CNTN5: variants seen among roughly 807,000 people sequenced by gnomAD.
CNTN5 encodes the protein contactin 5.
A neutral mutation model predicts 129.1 loss-of-function variants in CNTN5; 77 were observed. That is an observed-to-expected ratio of 0.60 (90% CI 0.50 to 0.72). The LOEUF is 0.72. Among genes scored for constraint, CNTN5 ranks in the 30% least tolerant of loss-of-function variants. CNTN5 has a pLI of 0.00. For missense variants in CNTN5, 1,478 were observed against 1,328.8 expected, an observed-to-expected ratio of 1.11 and a Z score of -1.75; for synonymous variants, 509 against 465.6, an observed-to-expected ratio of 1.09 and a Z score of -1.20.
chr11:100,311,993 A>G (rs531328155), intron 21 of CNTN5, among the ~76,000 whole-genome samples: 2 of 152,230 alleles, frequency 1.3e-5, no homozygotes, highest in East Asian at 3.9e-4. Flanking sequence ...TAATCATCAC[A>G]ATGACATTTT....
intron 6 of CNTN5, among the ~76,000 whole-genome samples, chr11:99,859,120 C>G (rs997098400): frequency 1.1e-4 from 16 of 152,072 alleles, no homozygotes; most frequent in African/African-American, 3.9e-4. Flanking sequence ...ATAAAATCTC[C>G]TAATGTTTGT....
intron 6 of CNTN5, among the ~76,000 whole-genome samples, chr11:99,905,953 G>A (rs1949492875): frequency 6.6e-6 from 1 of 152,074 alleles, no homozygotes; most frequent in South Asian, 2.1e-4. Context: ...TCTGTTATTG[G>A]TGTATAGGAA....
chr11:100,008,817 G>A lies in CNTN5; in HGVS notation c.980+6681G>A, dbSNP rs184758714. Reference sequence around the variant, plus strand: ...CCTTGACATGATCTAATGAATCTTCGATAAGCCAAATTAGGAAATTTCTTT... The same window carrying A: ...CCTTGACATGATCTAATGAATCTTCAATAAGCCAAATTAGGAAATTTCTTT... On this transcript the variant is annotated intron_variant, in intron 9 of 24. Coordinates refer to ENST00000524871, the MANE Select transcript of CNTN5 (RefSeq NM_014361.4). Among the ~76,000 whole-genome samples, 724 of 151,948 alleles carry A rather than the reference G, an allele frequency of 4.8e-3. 5 individuals carry two copies. Among genetic ancestry groups the A allele is most frequent in the African/African-American group, 0.016 (667 of 41,468 alleles).
intron 2 of CNTN5, among the ~76,000 whole-genome samples, chr11:99,393,452 A>G (rs915059207): frequency 8.6e-5 from 13 of 151,772 alleles, no homozygotes; most frequent in African/African-American, 2.2e-4. Flanking sequence ...TCACAACTGT[A>G]TATGGTAGGT....
chr11:100,085,111 A>C (rs999463824), intron 13 of CNTN5, among the ~76,000 whole-genome samples: 2 of 152,024 alleles, frequency 1.3e-5, no homozygotes, highest in African/African-American at 4.8e-5. Flanking sequence ...GAGAATGAAT[A>C]GGCCCAAAGA....
At chr11:99,770,683 A>T (rs1218651241) in intron 3 of CNTN5, among the ~76,000 whole-genome samples, 3 of 152,032 alleles carry the variant, frequency 2.0e-5, no homozygotes, top group Non-Finnish European at 4.4e-5. Flanking sequence ...ATTTTTCTCT[A>T]AATATTTTAT....
intron 13 of CNTN5, among the ~76,000 whole-genome samples, chr11:100,149,935 G>A (rs769201794): frequency 6.6e-6 from 1 of 151,160 alleles, no homozygotes; most frequent in Non-Finnish European, 1.5e-5. Context: ...AAAATCTCAT[G>A]GGGTAGAGCT....
At chr11:99,592,425 A>G (rs1223155422) in intron 3 of CNTN5, among the ~76,000 whole-genome samples, 1 of 152,216 alleles carries the variant, frequency 6.6e-6, no homozygotes, top group African/African-American at 2.4e-5. Context: ...AGTTAAAGAA[A>G]TGATCTAAAC....
Position 99,476,157 on chromosome 11 carries a change from A to G in CNTN5, c.-70-79988A>G, listed in dbSNP as rs141440306. Among the ~76,000 whole-genome samples, 1,414 of 152,028 alleles carry G rather than the reference A, an allele frequency of 9.3e-3. 15 individuals carry two copies. The highest frequency in any genetic ancestry group is 0.032 in the African/African-American group (1,317 of 41,522). On this transcript the variant is annotated intron_variant, in intron 2 of 24. Coordinates refer to ENST00000524871, the MANE Select transcript of CNTN5 (RefSeq NM_014361.4). ...GCACAATTCCCCAAATTTATTTTAT[A>G]TTTATTTTTCTTTGATTTATTTTTA...
intron 13 of CNTN5, among the ~76,000 whole-genome samples, chr11:100,172,179 T>C (rs1591352823): frequency 6.6e-6 from 1 of 151,998 alleles, no homozygotes; most frequent in South Asian, 2.1e-4. Flanking sequence ...TTAAAACTAA[T>C]AGTAGTTACT....
rs527905566 is a variant in CNTN5 at position 100,289,654 on chromosome 11, T to C, written c.2315-7971T>C. 6.6e-3 allele frequency among the ~76,000 whole-genome samples: 1,008 copies of C among 151,872 alleles called. 15 individuals carry two copies. The highest frequency in any genetic ancestry group is 0.023 in the African/African-American group (942 of 41,390). ...TATGACAAACCCACAGCCAATATCA[T>C]ACCGAATGGGCAAAAACTGGAAGCA... On this transcript the variant is annotated intron_variant, in intron 18 of 24. Transcript: ENST00000524871.
intron 13 of CNTN5, among the ~76,000 whole-genome samples, chr11:100,074,630 C>A (rs952068964): frequency 1.3e-5 from 2 of 152,082 alleles, no homozygotes; most frequent in Non-Finnish European, 2.9e-5. Flanking sequence ...AATTTTTAAG[C>A]ATTGTGTTTT....
intron 15 of CNTN5, among the ~76,000 whole-genome samples, chr11:100,214,444 C>T (rs73000874): frequency 0.021 from 3,235 of 152,264 alleles, 50 homozygotes; most frequent in Middle Eastern, 0.034. Flanking sequence ...CACAGTTAAA[C>T]CAGTTGGCAC....
At chr11:100,215,319 G>T (rs1199983545) in intron 15 of CNTN5, among the ~76,000 whole-genome samples, 1 of 152,134 alleles carries the variant, frequency 6.6e-6, no homozygotes, top group East Asian at 1.9e-4. Context: ...GGCATAAAAA[G>T]TTACCAAGGC....
At chr11:99,429,330 C>T (rs910228501) in intron 2 of CNTN5, among the ~76,000 whole-genome samples, 2 of 152,028 alleles carry the variant, frequency 1.3e-5, no homozygotes, top group African/African-American at 4.8e-5. Context: ...CAGGTATAGA[C>T]ACATAGACAG....
intron 1 of CNTN5, among the ~76,000 whole-genome samples, chr11:99,225,051 G>A (rs1221482546): frequency 6.6e-6 from 1 of 151,746 alleles, no homozygotes; most frequent in African/African-American, 2.4e-5. Flanking sequence ...GACTAGAGTT[G>A]GACAATATAT....
intron 1 of CNTN5, among the ~76,000 whole-genome samples, chr11:99,246,038 A>C (rs551484271): frequency 1.3e-5 from 2 of 152,180 alleles, no homozygotes; most frequent in Non-Finnish European, 2.9e-5. Flanking sequence ...ATGACATCTT[A>C]TACTCATAAA....
chr11:99,577,509 G>A (rs1949395199), intron 3 of CNTN5, among the ~76,000 whole-genome samples: 2 of 152,106 alleles, frequency 1.3e-5, no homozygotes, highest in African/African-American at 4.8e-5. Context: ...TTTCTATGAA[G>A]CAATTTGCTG....
intron 18 of CNTN5, among the ~76,000 whole-genome samples, chr11:100,286,728 C>T (rs1251067740): frequency 2.7e-5 from 4 of 149,606 alleles, no homozygotes; most frequent in African/African-American, 1.0e-4. Context: ...CGCAGTTCCT[C>T]ACCAGCAACG....
Sources: gnomAD v4.1 joint callset for allele counts (sites outside exome capture counted in the v4.1 genomes callset) on GRCh38, gnomAD v4.1.1 for gene constraint, MANE v1.5 for transcripts, NCBI Gene and HGNC (gene_info 2026-07-23, HGNC 2026-07-21) for gene names.